The following SBF2 variants were observed in gnomAD, a reference collection of about 807,000 sequenced individuals.
SBF2 encodes the protein myotubularin-related protein 13.
Under a neutral mutation model 225.2 loss-of-function variants are expected in SBF2, and 112 were observed. That is an observed-to-expected ratio of 0.50 (90% CI 0.43 to 0.58). The LOEUF (loss-of-function observed/expected upper bound fraction) is 0.58. Ranked by LOEUF, SBF2 falls within the 20% of genes least tolerant of loss-of-function variation. The pLI is 0.00. For missense variants in SBF2, 1,996 were observed against 2,206.2 expected (o/e 0.90, Z 1.91); for synonymous variants, 763 against 773.3 (o/e 0.99, Z 0.22).
chr11:10,280,242 T>G (rs1217795504), intron 1 of SBF2, among the ~76,000 whole-genome samples: 1 of 152,160 alleles, frequency 6.6e-6, no homozygotes, highest in African/African-American at 2.4e-5. Flanking sequence ...CAATTTTAGT[T>G]TCCAAAGTAC....
At chr11:10,141,233 G>A (rs549832668) in intron 2 of SBF2, among the ~76,000 whole-genome samples, 9 of 152,276 alleles carry the variant, frequency 5.9e-5, no homozygotes, top group Non-Finnish European at 1.0e-4. Context: ...CAGGAAAGAA[G>A]AGAAAGCTAT....
intron 2 of SBF2, among the ~76,000 whole-genome samples, chr11:10,133,423 C>T (rs113558799): frequency 0.22 from 32,423 of 146,970 alleles, 5,393 homozygotes; most frequent in Non-Finnish European, 0.31. Context: ...TTAGGCATGG[C>T]GGGCTGCAGG....
chr11:10,228,840 T>G (rs2061212806), intron 1 of SBF2, among the ~76,000 whole-genome samples: 1 of 152,166 alleles, frequency 6.6e-6, no homozygotes, highest in African/African-American at 2.4e-5. Context: ...ATAAAATGAG[T>G]TAGGGAGGAT....
Position 10,272,046 on chromosome 11 carries a change from C to A in SBF2, c.55+21969G>T. 1.8e-6 allele frequency: 2 copies of A among 1,132,128 alleles called. 1 individual carries two copies. The highest frequency in any genetic ancestry group is 5.2e-5 in the East Asian group (2 of 38,506). The allele number at this position is 1,132,128 out of a possible 1,614,324, so 70.1% of individuals were successfully genotyped here. A position where few individuals can be genotyped will look rare whatever the true frequency, so the allele number is the denominator to read the frequency against. ...AAGGCATTCCTCAGCAAACTTCTCTCGAGTCTTCAGAGTAAAGCACAGGAT... is the reference window on the plus strand; with the variant it reads ...AAGGCATTCCTCAGCAAACTTCTCTAGAGTCTTCAGAGTAAAGCACAGGAT... On this transcript the variant is annotated intron_variant, in intron 1 of 39. Coordinates refer to ENST00000256190, the MANE Select transcript of SBF2 (RefSeq NM_030962.4).
intron 28 of SBF2, chr11:9,828,433 G>A: frequency 3.0e-6 from 3 of 985,362 alleles, no homozygotes; most frequent in South Asian, 4.7e-5. Flanking sequence ...GGTTTGGCAA[G>A]TGCAATCAGA....
intron 2 of SBF2, among the ~76,000 whole-genome samples, chr11:10,083,511 T>C (rs764407055): frequency 3.9e-5 from 6 of 152,206 alleles, no homozygotes; most frequent in Non-Finnish European, 5.9e-5. Flanking sequence ...CAAAACAGCA[T>C]TGTACTAATA....
At chr11:9,858,529 T>C in intron 17 of SBF2, 133 bp from the exon 18 acceptor site, 1 of 909,946 alleles carries the variant, frequency 1.1e-6, no homozygotes, top group Non-Finnish European at 1.7e-6. Context: ...TAGTACAGGC[T>C]TAGCAATCAG....
At chr11:10,134,056 A>G (rs796576195) in intron 2 of SBF2, among the ~76,000 whole-genome samples, 8 of 152,346 alleles carry the variant, frequency 5.3e-5, no homozygotes, top group African/African-American at 1.9e-4. Flanking sequence ...ATTTACAAAG[A>G]AAGGCGTTTA....
At chr11:10,067,234 T>C (rs534846243) in intron 2 of SBF2, among the ~76,000 whole-genome samples, 4 of 152,316 alleles carry the variant, frequency 2.6e-5, no homozygotes, top group Admixed American at 1.3e-4. Context: ...TAGGAAGATG[T>C]ATATTGTTGA....
upstream of SBF2, chr11:10,294,271 G>A: frequency 5.2e-6 from 2 of 387,344 alleles, no homozygotes; most frequent in Non-Finnish European, 4.4e-6. Context: ...ACCCGCGCTG[G>A]CTCGGCTGCC....
At chr11:9,888,013 A>C (rs1178843547) in intron 17 of SBF2, among the ~76,000 whole-genome samples, 3 of 152,304 alleles carry the variant, frequency 2.0e-5, no homozygotes, top group African/African-American at 7.2e-5. Context: ...TCTAGCCACA[A>C]TCTCAATACT....
chr11:10,042,231 G>C (rs1289319246), intron 3 of SBF2, among the ~76,000 whole-genome samples: 1 of 152,170 alleles, frequency 6.6e-6, no homozygotes, highest in Non-Finnish European at 1.5e-5. Context: ...TTGGTTCCCT[G>C]CTTGTCCCTC....
intron 13 of SBF2, among the ~76,000 whole-genome samples, chr11:9,978,105 A>G (rs1946782176): frequency 6.6e-6 from 1 of 152,246 alleles, no homozygotes; most frequent in East Asian, 1.9e-4. Flanking sequence ...TGATTAAAAA[A>G]ACAACAACTG....
intron 21 of SBF2, among the ~76,000 whole-genome samples, chr11:9,851,110 TG>T (rs1232214436): frequency 7.7e-6 from 1 of 130,548 alleles, no homozygotes; most frequent in Non-Finnish European, 1.6e-5. Context: ...CACTCCAGCC[TG>T]GGCAACAGAG....
chr11:9,919,512 C>T (rs1863419998), intron 16 of SBF2, among the ~76,000 whole-genome samples: 1 of 151,844 alleles, frequency 6.6e-6, no homozygotes, highest in Non-Finnish European at 1.5e-5. Context: ...GTGAGAGGGT[C>T]GTGATCGATT....
At chr11:10,218,981 T>C (rs889726861) in intron 1 of SBF2, among the ~76,000 whole-genome samples, 8 of 152,094 alleles carry the variant, frequency 5.3e-5, no homozygotes, top group African/African-American at 1.9e-4. Context: ...TCCAGGTGCA[T>C]AGTGCAAGCT....
chr11:10,005,041 G>A (rs1052910525), intron 6 of SBF2, among the ~76,000 whole-genome samples: 4 of 152,110 alleles, frequency 2.6e-5, no homozygotes, highest in Non-Finnish European at 5.9e-5. Context: ...GCAACCATCA[G>A]GTGATGGTCA....
chr11:10,176,274 A>G (rs1457905313), intron 2 of SBF2, among the ~76,000 whole-genome samples: 1 of 150,622 alleles, frequency 6.6e-6, no homozygotes, highest in African/African-American at 2.4e-5. Context: ...CATCACAATT[A>G]AAAGAACTAG....
At chr11:10,284,152 C>A (rs1168191042) in intron 1 of SBF2, among the ~76,000 whole-genome samples, 1 of 152,040 alleles carries the variant, frequency 6.6e-6, no homozygotes, top group Admixed American at 6.6e-5. Context: ...AAACCATATA[C>A]CCTTTACCCA....
Sources: allele counts gnomAD v4.1 joint callset (sites outside exome capture counted in the v4.1 genomes callset), GRCh38; gene constraint gnomAD v4.1.1; transcripts MANE v1.5; gene names NCBI Gene and HGNC (gene_info 2026-07-23, HGNC 2026-07-21).